The following ZNF565 variants were observed in gnomAD, a reference collection of about 807,000 sequenced individuals.
The protein encoded by ZNF565 is zinc finger protein 565.
ZNF565 carries 27 observed loss-of-function variants against 39.4 expected under a neutral mutation model. The ratio of observed to expected loss-of-function variants is 0.69; its 90% CI spans 0.51 to 0.95. The LOEUF is 0.95. Among genes scored for constraint, ZNF565 ranks in the 40% least tolerant of loss-of-function variants. ZNF565 has a pLI of 0.00. For synonymous variants in ZNF565, 185 were observed against 216.6 expected, an observed-to-expected ratio of 0.85 and a Z score of 1.28; for missense variants, 524 against 621.1, an observed-to-expected ratio of 0.84 and a Z score of 1.66.
At chr19:36,214,422 A>C (rs1400865604) in intron 1 of ZNF565, among the ~76,000 whole-genome samples, 200 bp downstream of exon 1, 1 of 152,152 alleles carries the variant, frequency 6.6e-6, no homozygotes, top group Non-Finnish European at 1.5e-5. Flanking sequence ...GATACTCTCT[A>C]TCACACATGG....
At chr19:36,209,022 G>T (rs1347385769) in intron 1 of ZNF565, among the ~76,000 whole-genome samples, 1 of 151,980 alleles carries the variant, frequency 6.6e-6, no homozygotes, top group East Asian at 1.9e-4. Flanking sequence ...TGTAGAGATG[G>T]GGTTTCGTCA....
chr19:36,231,604 C>T (rs1977374102), intron 1 of ZNF565, among the ~76,000 whole-genome samples: 1 of 152,196 alleles, frequency 6.6e-6, no homozygotes, highest in South Asian at 2.1e-4. Flanking sequence ...GTTTATGGGA[C>T]AGACAGCTGT....
chr19:36,208,491 T>C (rs549437474), intron 1 of ZNF565, among the ~76,000 whole-genome samples: 2 of 152,312 alleles, frequency 1.3e-5, no homozygotes, highest in South Asian at 4.1e-4. Context: ...TGAGCCACTG[T>C]GCCCAGCCAA....
At chr19:36,237,007 T>C (rs1977667429) in intron 1 of ZNF565, 1 of 1,614,080 alleles carries the variant, frequency 6.2e-7, no homozygotes, top group Non-Finnish European at 8.5e-7. Context: ...GTAACGAATG[T>C]GGAAAAGCCT....
upstream of ZNF565, among the ~76,000 whole-genome samples, chr19:36,217,810 G>C (rs777285899): frequency 6.6e-6 from 1 of 151,734 alleles, no homozygotes. Context: ...GCTTGAACCC[G>C]GGAGGCGGAG....
intron 1 of ZNF565, among the ~76,000 whole-genome samples, chr19:36,241,233 C>T (rs1417630279): frequency 2.6e-5 from 4 of 152,320 alleles, no homozygotes; most frequent in African/African-American, 9.6e-5. Context: ...CGCCTGTAAT[C>T]CCAGCACTTT....
At chr19:36,222,778 CTTTT>C (rs55668684) in intron 1 of ZNF565, among the ~76,000 whole-genome samples, 1,067 of 100,874 alleles carry the variant, frequency 0.011, 17 homozygotes, top group African/African-American at 0.032. Flanking sequence ...TGAGTGGTGG[CTTTT>C]TTTTTTTTTT....
At chr19:36,194,184 A>G in intron 4 of ZNF565, 49 bp downstream of exon 4, 1 of 1,492,190 alleles carries the variant, frequency 6.7e-7, no homozygotes, top group Non-Finnish European at 9.2e-7. Flanking sequence ...TACTCCTGTC[A>G]GTCGACTCAT....
chr19:36,222,463 G>A (rs1447419800), intron 1 of ZNF565, among the ~76,000 whole-genome samples: 1 of 152,084 alleles, frequency 6.6e-6, no homozygotes, highest in Non-Finnish European at 1.5e-5. Flanking sequence ...TACAAATGGC[G>A]CTGCCCAGTG....
intron 1 of ZNF565, among the ~76,000 whole-genome samples, chr19:36,231,931 G>A (rs565702308): frequency 2.0e-5 from 3 of 150,716 alleles, no homozygotes; most frequent in Non-Finnish European, 4.4e-5. Context: ...GGCCAGACTC[G>A]GTGGTTCACC....
intron 2 of ZNF565, among the ~76,000 whole-genome samples, chr19:36,198,240 T>C (rs957383076): frequency 6.6e-6 from 1 of 152,122 alleles, no homozygotes; most frequent in African/African-American, 2.4e-5. Context: ...AACCCAAGTG[T>C]CTGTCAACAG....
At position 36,183,673 on chromosome 19, in the gene ZNF565, T is replaced by C. The variant is rs1975174836; in HGVS notation, c.293A>G (p.Asn98Ser). The change falls in exon 5 of 5, where the codon AAC becomes AGC. Residue 98 changes from asparagine (N) to serine (S), a missense_variant. Physicochemically the swap from Asn to Ser is conservative, Grantham distance 46. Coordinates refer to ENST00000304116, the MANE Select transcript of ZNF565 (RefSeq NM_152477.5). Reference sequence around the variant, plus strand: ...TTTAAGGCTTTCCATTATCTCCCAGTTGAATGCCCCGATTTCAAAAATGTC... The same window carrying C: ...TTTAAGGCTTTCCATTATCTCCCAGCTGAATGCCCCGATTTCAAAAATGTC... ...QKDIFEIGAF[N>S]WEIMESLKCS... 5 of 1,613,560 alleles carry C rather than the reference T, an allele frequency of 3.1e-6. No homozygotes were observed. Among genetic ancestry groups the C allele is most frequent in the Non-Finnish European group, 3.4e-6 (4 of 1,179,694 alleles).
intron 1 of ZNF565, among the ~76,000 whole-genome samples, chr19:36,232,194 C>CAA (rs35069898): frequency 1.2e-4 from 13 of 108,928 alleles, no homozygotes; most frequent in East Asian, 2.7e-4. Flanking sequence ...GACTCCATCT[C>CAA]AAAAAAAAAA....
chr19:36,188,772 T>C (rs1975416103), intron 4 of ZNF565, among the ~76,000 whole-genome samples: 1 of 151,050 alleles, frequency 6.6e-6, no homozygotes, highest in East Asian at 1.9e-4. Context: ...ATAAACAAAG[T>C]GTGTATATAA....
Position 36,183,119 on chromosome 19 carries a change from C to CTTTACATACG in ZNF565, c.837_846dup (p.Asp283ArgfsTer3), listed in dbSNP as rs1568407985. ...CCACGAATGAAAGCCTTGCCACAGT[C>CTTTACATACG]TTTACATACGTAGGGTTTCTCGCCT... On this transcript the variant is annotated stop_gained and frameshift_variant, in exon 5 of 5. Transcript: ENST00000304116. LOFTEE classifies it high-confidence loss of function. 3.7e-6 allele frequency: 6 copies of CTTTACATACG among 1,614,042 alleles called. No homozygotes were observed. Among genetic ancestry groups the CTTTACATACG allele is most frequent in the Non-Finnish European group, 5.1e-6 (6 of 1,180,042 alleles).
rs750177810 is a variant in ZNF565, at chr19:36,182,945, C to T, written c.1021G>A (p.Gly341Arg). The T allele has an allele frequency of 1.2e-5, 19 of 1,613,924 alleles. No homozygotes were observed. Among genetic ancestry groups the T allele is most frequent in the African/African-American group, 9.3e-5 (7 of 74,882 alleles). ...TCTGAGCTGTGAATAAAGCCCTTTCCGCATTCCTTACACTCGTAGGGTTTC... is the reference window on the plus strand; with the variant it reads ...TCTGAGCTGTGAATAAAGCCCTTTCTGCATTCCTTACACTCGTAGGGTTTC... ...GEKPYECKECGKGFIHSSEVT... is the reference protein window; with the variant it reads ...GEKPYECKECRKGFIHSSEVT... The change falls in exon 5 of 5, where the codon GGA becomes AGA. Residue 341 changes from glycine to arginine, a missense_variant. By Grantham distance (125) the Gly-to-Arg change is moderately radical. Transcript: ENST00000304116.
At chr19:36,230,419 A>G (rs117715500) in intron 1 of ZNF565, among the ~76,000 whole-genome samples, 1 of 152,234 alleles carries the variant, frequency 6.6e-6, no homozygotes, top group Non-Finnish European at 1.5e-5. Flanking sequence ...AATGTATACT[A>G]TCAGATAGTG....
intron 1 of ZNF565, among the ~76,000 whole-genome samples, chr19:36,212,449 C>A (rs537142272): frequency 1.2e-4 from 18 of 151,812 alleles, no homozygotes; most frequent in African/African-American, 4.3e-4. Context: ...CCCCTCCCCC[C>A]GTCTCTACTA....
intron 1 of ZNF565, chr19:36,203,316 A>AT (rs1478638042): frequency 6.7e-6 from 1 of 148,236 alleles, no homozygotes; most frequent in African/African-American, 2.5e-5. Flanking sequence ...AGCCTGGGCA[A>AT]TAAAAACAAA....
Sources: gnomAD v4.1 joint callset for allele counts (sites outside exome capture counted in the v4.1 genomes callset) on GRCh38, gnomAD v4.1.1 for gene constraint, MANE v1.5 for transcripts, NCBI Gene and HGNC (gene_info 2026-07-23, HGNC 2026-07-21) for gene names.